Variants in PPP1R12A observed in about 807,000 individuals in gnomAD.
PPP1R12A encodes myosin binding subunit.
In PPP1R12A, 19 loss-of-function variants were observed where a neutral mutation model predicts 139.6. That is an observed-to-expected ratio of 0.14 (90% CI 0.09 to 0.20). PPP1R12A has a LOEUF of 0.20. Among genes scored for constraint, PPP1R12A ranks in the 10% least tolerant of loss-of-function variants. The pLI, the probability that PPP1R12A is intolerant of heterozygous loss-of-function variation, is 1.00. For missense variants in PPP1R12A, 925 were observed against 1,211.5 expected, an observed-to-expected ratio of 0.76 and a Z score of 3.51; for synonymous variants, 427 against 420.6, an observed-to-expected ratio of 1.02 and a Z score of -0.19.
intron 22 of PPP1R12A, among the ~76,000 whole-genome samples, chr12:79,785,180 A>G (rs1870956012): frequency 6.6e-6 from 1 of 152,218 alleles, no homozygotes; most frequent in African/African-American, 2.4e-5. Flanking sequence ...TTTAATGTGT[A>G]TGACACTGTA....
At chr12:79,935,363 G>A (rs980365482), upstream of PPP1R12A, 3 of 1,001,242 alleles carry the variant, frequency 3.0e-6, no homozygotes, top group African/African-American at 5.2e-5. Context: ...CTGGAAAGGA[G>A]GAAGCGGGGA....
intron 5 of PPP1R12A, among the ~76,000 whole-genome samples, chr12:79,826,328 T>C (rs945673577): frequency 7.3e-5 from 11 of 150,208 alleles, no homozygotes; most frequent in African/African-American, 2.7e-4. Flanking sequence ...TGAGGCACAA[T>C]TGTTTCGGGT....
chr12:79,851,476 G>T (rs1164023131), intron 2 of PPP1R12A, among the ~76,000 whole-genome samples: 1 of 152,126 alleles, frequency 6.6e-6, no homozygotes, highest in East Asian at 1.9e-4. Context: ...GTGACATGTA[G>T]TCTCCATGAT....
At chr12:79,898,728 C>T (rs1025160711) in intron 1 of PPP1R12A, among the ~76,000 whole-genome samples, 6 of 152,042 alleles carry the variant, frequency 3.9e-5, no homozygotes, top group African/African-American at 1.4e-4. Context: ...ATCACTAGTC[C>T]AATTCTTAAC....
At chr12:79,913,506 T>C (rs911477705) in intron 1 of PPP1R12A, among the ~76,000 whole-genome samples, 1 of 152,190 alleles carries the variant, frequency 6.6e-6, no homozygotes, top group Non-Finnish European at 1.5e-5. Context: ...CTGGATCTTT[T>C]TCCACACTCT....
chr12:79,911,262 G>A (rs1437708468), intron 1 of PPP1R12A, among the ~76,000 whole-genome samples: 1 of 152,028 alleles, frequency 6.6e-6, no homozygotes, highest in East Asian at 1.9e-4. Context: ...AACACCCTGA[G>A]ATTCCATTTC....
At chr12:79,811,655 G>A (rs1874549161) in intron 9 of PPP1R12A, among the ~76,000 whole-genome samples, 1 of 152,220 alleles carries the variant, frequency 6.6e-6, no homozygotes, top group Admixed American at 6.5e-5. Context: ...GTAAATGCTA[G>A]GCTTTGTGGA....
intron 2 of PPP1R12A, among the ~76,000 whole-genome samples, chr12:79,859,392 G>A (rs1329918760): frequency 6.8e-6 from 1 of 147,258 alleles, no homozygotes; most frequent in Non-Finnish European, 1.5e-5. Flanking sequence ...GGATCAAAGA[G>A]AGATGGAAAA....
intron 1 of PPP1R12A, among the ~76,000 whole-genome samples, chr12:79,888,995 C>A (rs1203816957): frequency 6.6e-6 from 1 of 152,178 alleles, no homozygotes; most frequent in Non-Finnish European, 1.5e-5. Flanking sequence ...TGCAAAATGA[C>A]ATGTACAGAA....
intron 1 of PPP1R12A, among the ~76,000 whole-genome samples, chr12:79,888,768 T>C (rs1443802192): frequency 6.6e-6 from 1 of 152,166 alleles, no homozygotes; most frequent in Non-Finnish European, 1.5e-5. Context: ...TTACTACCAT[T>C]TAACAGATGA....
chr12:79,805,583 T>C lies in PPP1R12A; in HGVS notation c.2000+9A>G, dbSNP rs376479571. 5 of 1,613,200 alleles carry C rather than the reference T, an allele frequency of 3.1e-6. No homozygotes were observed. Among genetic ancestry groups the C allele is most frequent in the Non-Finnish European group, 4.2e-6 (5 of 1,179,418 alleles). Reference sequence around the variant, plus strand: ...ATATATCAGCAGTACTGTTATGACCTTTACACACCTGCGTCTCTCCCTGAC... The same window carrying C: ...ATATATCAGCAGTACTGTTATGACCCTTACACACCTGCGTCTCTCCCTGAC... On this transcript the variant is annotated intron_variant, in intron 14 of 24. Coordinates refer to ENST00000450142, the MANE Select transcript of PPP1R12A (RefSeq NM_002480.3).
chr12:79,887,253 T>C (rs1592772225), intron 1 of PPP1R12A, among the ~76,000 whole-genome samples: 1 of 152,298 alleles, frequency 6.6e-6, no homozygotes, highest in Admixed American at 6.5e-5. Flanking sequence ...TAAAACTGTA[T>C]TAAGTACTGT....
chr12:79,829,720 C>G (rs1297102781), intron 4 of PPP1R12A, among the ~76,000 whole-genome samples: 1 of 151,896 alleles, frequency 6.6e-6, no homozygotes, highest in Non-Finnish European at 1.5e-5. Flanking sequence ...AGAAACAATA[C>G]TGGAATGTAA....
intron 1 of PPP1R12A, among the ~76,000 whole-genome samples, chr12:79,898,827 A>T (rs957509585): frequency 2.6e-5 from 4 of 152,086 alleles, no homozygotes; most frequent in African/African-American, 9.7e-5. Context: ...CCCTCAACCA[A>T]AACAAATCTT....
At chr12:79,831,399 A>G (rs1270166254) in intron 4 of PPP1R12A, among the ~76,000 whole-genome samples, 1 of 152,100 alleles carries the variant, frequency 6.6e-6, no homozygotes, top group African/African-American at 2.4e-5. Context: ...CCTGGGAAAC[A>G]TGGTGGAACC....
At chr12:79,933,659 T>C (rs1478280066) in intron 1 of PPP1R12A, among the ~76,000 whole-genome samples, 1 of 152,228 alleles carries the variant, frequency 6.6e-6, no homozygotes, top group East Asian at 1.9e-4. Flanking sequence ...CACTTAAAAA[T>C]TGCTTTTTAT....
intron 13 of PPP1R12A, 88 bp from the exon 14 acceptor site, chr12:79,805,856 C>A (rs1324667174): frequency 2.2e-6 from 3 of 1,341,192 alleles, no homozygotes; most frequent in Non-Finnish European, 2.0e-6. Flanking sequence ...AAACACATGA[C>A]TACAGGGATG....
chr12:79,828,389 A>G lies in PPP1R12A; in HGVS notation c.723T>C (p.His241=), dbSNP rs756664073. 3.7e-6 allele frequency: 6 copies of G among 1,612,170 alleles called. No individual in the cohort carries two copies. The African/African-American group carries it at 4.0e-5, about 11-fold the overall frequency. ...DGWTPLHAAA[H]WGKEEACRIL... ...TTCGACATGCTTCTTCTTTACCCCA[A>G]TGAGCTGCAGCATGAAGAGGTGTCC... is the stretch of plus-strand genomic sequence containing the variant. Residue 241 remains histidine, a synonymous_variant, in exon 5 of 25, where the codon CAT becomes CAC. Coordinates refer to ENST00000450142, the MANE Select transcript of PPP1R12A (RefSeq NM_002480.3).
intron 2 of PPP1R12A, among the ~76,000 whole-genome samples, chr12:79,854,396 T>C (rs979085870): frequency 7.9e-5 from 12 of 152,216 alleles, no homozygotes; most frequent in Non-Finnish European, 1.3e-4. Context: ...ACTTTTTCCA[T>C]TGATAGCTCA....
Sources: gnomAD v4.1 joint callset for allele counts (sites outside exome capture counted in the v4.1 genomes callset) on GRCh38, gnomAD v4.1.1 for gene constraint, MANE v1.5 for transcripts, NCBI Gene and HGNC (gene_info 2026-07-23, HGNC 2026-07-21) for gene names.